The following KAZN variants were observed in gnomAD, a reference collection of about 807,000 sequenced individuals.
The protein encoded by KAZN is kazrin, periplakin interacting protein.
KAZN carries 40 observed loss-of-function variants against 87.4 expected under a neutral mutation model. The ratio of observed to expected loss-of-function variants is 0.46; its 90% CI spans 0.36 to 0.60. The LOEUF (loss-of-function observed/expected upper bound fraction) is 0.60, where lower values mean the gene tolerates loss of function less well. KAZN is among the 20% of genes least tolerant of loss of function. The pLI is 0.00. For synonymous variants in KAZN, 466 were observed against 458.3 expected (o/e 1.02, Z -0.22); for missense variants, 898 against 1,073.9 (o/e 0.84, Z 2.29).
chr1:14,457,114 A>C (rs1667608096), intron 2 of KAZN, among the ~76,000 whole-genome samples: 1 of 152,254 alleles, frequency 6.6e-6, no homozygotes, highest in Middle Eastern at 3.4e-3. Flanking sequence ...CATATATTTA[A>C]TTTGACTAAA....
intron 2 of KAZN, among the ~76,000 whole-genome samples, chr1:14,588,765 A>G (rs1371916658): frequency 6.6e-6 from 1 of 152,238 alleles, no homozygotes. Flanking sequence ...GAAGGTATCA[A>G]GCTCCCAGTG....
intron 1 of KAZN, among the ~76,000 whole-genome samples, chr1:14,890,506 A>T (rs1303360421): frequency 2.2e-5 from 1 of 45,836 alleles, no homozygotes; most frequent in African/African-American, 5.9e-5. Flanking sequence ...AGCAAATTTA[A>T]ATCTTTTTTT....
intron 1 of KAZN, among the ~76,000 whole-genome samples, chr1:14,926,550 C>G (rs1659190503): frequency 6.6e-6 from 1 of 152,216 alleles, no homozygotes; most frequent in South Asian, 2.1e-4. Flanking sequence ...TGAGTTTTCT[C>G]TACCCTACTG....
chr1:13,967,023 A>G (rs1193832411), intron 1 of KAZN, among the ~76,000 whole-genome samples: 4 of 152,152 alleles, frequency 2.6e-5, no homozygotes, highest in African/African-American at 4.8e-5. Context: ...CAGCCCAGCT[A>G]GACTTTAAAC....
chr1:14,680,666 T>C (rs969634456), intron 1 of KAZN, among the ~76,000 whole-genome samples: 1 of 152,080 alleles, frequency 6.6e-6, no homozygotes, highest in African/African-American at 2.4e-5. Flanking sequence ...CCTATGTCCG[T>C]GTGTTCTCAT....
intron 2 of KAZN, among the ~76,000 whole-genome samples, chr1:14,226,030 G>A (rs1647267441): frequency 6.6e-6 from 1 of 152,060 alleles, no homozygotes; most frequent in Middle Eastern, 3.4e-3. Flanking sequence ...AAACTAAAGA[G>A]CTTCTGCACA....
intron 1 of KAZN, among the ~76,000 whole-genome samples, chr1:14,692,785 T>C (rs570163549): frequency 1.3e-5 from 2 of 152,268 alleles, no homozygotes; most frequent in African/African-American, 4.8e-5. Flanking sequence ...GTACAAAAAT[T>C]AGCCAGGCGT....
chr1:14,191,562 C>T (rs72865724), intron 2 of KAZN, among the ~76,000 whole-genome samples: 2,662 of 152,124 alleles, frequency 0.017, 82 homozygotes, highest in African/African-American at 0.061. Flanking sequence ...GAGAGAGTTC[C>T]GGGCTCAAGG....
chr1:15,009,216 G>A (rs747199847), intron 2 of KAZN, among the ~76,000 whole-genome samples: 5 of 152,194 alleles, frequency 3.3e-5, no homozygotes, highest in Admixed American at 3.3e-4. Context: ...TTTAAAGCAC[G>A]CCCAGGGTTA....
chr1:14,405,578 C>T (rs1663771815), intron 2 of KAZN, among the ~76,000 whole-genome samples: 1 of 149,920 alleles, frequency 6.7e-6, no homozygotes, highest in Admixed American at 6.7e-5. Context: ...TATTAATCAG[C>T]ATCCTCCAGA....
At chr1:14,664,345 A>G (rs1333600393) in intron 1 of KAZN, among the ~76,000 whole-genome samples, 1 of 152,124 alleles carries the variant, frequency 6.6e-6, no homozygotes, top group East Asian at 1.9e-4. Flanking sequence ...AGGCATGAGA[A>G]TTGCTTAAAC....
intron 1 of KAZN, among the ~76,000 whole-genome samples, chr1:14,913,893 ACAAGGGAGGGCCTCTG>A (rs1163793756): frequency 6.6e-6 from 1 of 152,190 alleles, no homozygotes; most frequent in African/African-American, 2.4e-5. Context: ...TGGCCTCCTG[ACAAGGGAGGGCCTCTG>A]CATTTGGACT....
At chr1:14,717,464 G>A (rs1039255319) in intron 1 of KAZN, among the ~76,000 whole-genome samples, 4 of 152,024 alleles carry the variant, frequency 2.6e-5, no homozygotes, top group Admixed American at 6.5e-5. Context: ...CGGTGGCCCC[G>A]GCATTCCTTG....
chr1:15,028,948 C>T (rs182768732), intron 2 of KAZN, among the ~76,000 whole-genome samples: 1 of 152,288 alleles, frequency 6.6e-6, no homozygotes, highest in East Asian at 1.9e-4. Context: ...AAGGCATCCC[C>T]GGCTGGGTGG....
chr1:14,568,843 G>T (rs180953400), intron 2 of KAZN, among the ~76,000 whole-genome samples: 1 of 152,226 alleles, frequency 6.6e-6, no homozygotes, highest in Non-Finnish European at 1.5e-5. Flanking sequence ...TAGAAACTAC[G>T]ACGGATCCGA....
intron 2 of KAZN, among the ~76,000 whole-genome samples, chr1:14,365,443 C>G (rs1221707983): frequency 6.7e-6 from 1 of 149,428 alleles, no homozygotes; most frequent in Non-Finnish European, 1.5e-5. Flanking sequence ...ATGACCTCAT[C>G]TTAATTAATT....
chr1:14,801,272 G>A (rs1364470361), intron 1 of KAZN, among the ~76,000 whole-genome samples: 1 of 152,126 alleles, frequency 6.6e-6, no homozygotes, highest in Non-Finnish European at 1.5e-5. Flanking sequence ...GGGGAAATGT[G>A]CGTCTCTCCT....
At chr1:14,434,272 C>T (rs540803680) in intron 2 of KAZN, among the ~76,000 whole-genome samples, 14 of 152,238 alleles carry the variant, frequency 9.2e-5, no homozygotes, top group Non-Finnish European at 7.4e-5. Context: ...ATTCTTCCTC[C>T]GCCCCCTCCC....
chr1:14,679,124 A>G (rs1315778508), intron 1 of KAZN, among the ~76,000 whole-genome samples: 1 of 152,214 alleles, frequency 6.6e-6, no homozygotes, highest in Non-Finnish European at 1.5e-5. Flanking sequence ...TGAAGTCCAT[A>G]AATCAAGAGA....
Sources: allele counts gnomAD v4.1 joint callset (sites outside exome capture counted in the v4.1 genomes callset), GRCh38; gene constraint gnomAD v4.1.1; transcripts MANE v1.5; gene names NCBI Gene and HGNC (gene_info 2026-07-23, HGNC 2026-07-21).